Variants in BCKDHB observed in about 807,000 individuals in gnomAD.
The protein encoded by BCKDHB is 2-oxoisovalerate dehydrogenase subunit beta, mitochondrial.
A neutral mutation model predicts 48.5 loss-of-function variants in BCKDHB; 41 were observed. That is an observed-to-expected ratio of 0.85 (90% CI 0.66 to 1.10). The LOEUF (loss-of-function observed/expected upper bound fraction) is 1.10. BCKDHB is among the 50% of genes least tolerant of loss of function. The probability of loss-of-function intolerance (pLI) is 0.00; values close to 1 mark genes in which losing one functional copy is unlikely to be tolerated. For synonymous variants in BCKDHB, 201 were observed against 174.8 expected (o/e 1.15, Z -1.18); for missense variants, 496 against 494.2 (o/e 1.00, Z -0.03).
the BCKDHB span, among the ~76,000 whole-genome samples, chr6:80,460,128 A>G: frequency 4.3e-4 from 66 of 152,254 alleles, no homozygotes; most frequent in Admixed American, 1.5e-3. Context: ...AGTCTTCAAG[A>G]TATATCTAAA....
chr6:80,332,737 C>T (rs1203010870), intron 9 of BCKDHB, among the ~76,000 whole-genome samples: 2 of 146,156 alleles, frequency 1.4e-5, no homozygotes, highest in African/African-American at 2.5e-5. Context: ...TTCAAACTTA[C>T]ATCCTACCAT....
At chr6:80,273,291 T>C in intron 9 of BCKDHB, 70 bp downstream of exon 9, 1 of 1,279,730 alleles carries the variant, frequency 7.8e-7, no homozygotes, top group Admixed American at 1.7e-5. Context: ...AGAAAATAAA[T>C]TACTTATCAC....
rs1338225308 is a variant in BCKDHB, at chr6:80,139,078, G to T, written c.343+9849G>T. Among the ~76,000 whole-genome samples the T allele has an allele frequency of 1.1e-3, 162 of 152,006 alleles. 1 individual carries two copies. The highest frequency in any genetic ancestry group is 3.5e-3 in the African/African-American group (143 of 41,342). On this transcript the variant is annotated intron_variant, in intron 3 of 9. Coordinates refer to ENST00000320393, the MANE Select transcript of BCKDHB (RefSeq NM_183050.4). ...GTGATGGTGAGCATTTTTTCATGTG[G>T]TTTTTGGCTGCATAAATGTCTTCTT...
At chr6:80,357,227 T>A in the BCKDHB span, among the ~76,000 whole-genome samples, 2 of 152,094 alleles carry the variant, frequency 1.3e-5, no homozygotes, top group Non-Finnish European at 2.9e-5. Flanking sequence ...GGGAAGTCAT[T>A]ACCATTCCCT....
At chr6:80,382,641 A>G in the BCKDHB span, among the ~76,000 whole-genome samples, 1 of 152,076 alleles carries the variant, frequency 6.6e-6, no homozygotes, top group African/African-American at 2.4e-5. Context: ...TATTCTTCCC[A>G]GTTCTCTCTT....
At chr6:80,308,965 A>T (rs1768019724) in intron 9 of BCKDHB, among the ~76,000 whole-genome samples, 1 of 152,074 alleles carries the variant, frequency 6.6e-6, no homozygotes, top group Non-Finnish European at 1.5e-5. Context: ...CAAATGCTAT[A>T]GTTTATTGTG....
chr6:80,421,302 C>T, the BCKDHB span, among the ~76,000 whole-genome samples: 1 of 152,156 alleles, frequency 6.6e-6, no homozygotes, highest in Non-Finnish European at 1.5e-5. Flanking sequence ...GCCTCCCCAG[C>T]CGTGCAGAAC....
rs1294886867 is a variant in BCKDHB at position 80,231,367 on chromosome 6, A to G, written c.951+28155A>G. 5.3e-5 allele frequency among the ~76,000 whole-genome samples: 8 copies of G among 152,236 alleles called. No individual in the cohort carries two copies. In the South Asian group the frequency reaches 1.0e-3, roughly 20 times the overall value. On this transcript the variant is annotated intron_variant, in intron 8 of 9. Transcript: ENST00000320393. ...TTTGGCTACATAAAAAAGGAATGTT[A>G]TTATGTATTATAAACATTTATAAAC...
chr6:80,420,185 T>C, the BCKDHB span, among the ~76,000 whole-genome samples: 2 of 152,230 alleles, frequency 1.3e-5, no homozygotes, highest in African/African-American at 4.8e-5. Context: ...ACTGGAACTT[T>C]ATTTTGTTCC....
At chr6:80,383,673 T>A in the BCKDHB span, among the ~76,000 whole-genome samples, 1 of 152,122 alleles carries the variant, frequency 6.6e-6, no homozygotes, top group East Asian at 1.9e-4. Flanking sequence ...AGAAAAATAA[T>A]GTTTTTTTAA....
In BCKDHB at chr6:80,343,906, A is replaced by G; in HGVS notation, c.*102A>G. The G allele has an allele frequency of 2.7e-6, 4 of 1,460,844 alleles. No homozygotes were observed. The highest frequency in any genetic ancestry group is 2.9e-6 in the Non-Finnish European group (3 of 1,044,120). The allele number at this position is 1,460,844 out of a possible 1,614,324, so 90.5% of individuals were successfully genotyped here. A position where few individuals can be genotyped will look rare whatever the true frequency, so the allele number is the denominator to read the frequency against. ...AATCATCAGTGTTTTGATGGTAACA[A>G]ACTTTGATGGTAAAGTTGGTAAAAG... On this transcript the variant is annotated 3_prime_UTR_variant, in exon 10 of 10. Transcript: ENST00000320393.
the BCKDHB span, among the ~76,000 whole-genome samples, chr6:80,444,574 C>T: frequency 2.6e-5 from 4 of 152,232 alleles, no homozygotes; most frequent in South Asian, 4.2e-4. Context: ...GTCAAAAGCA[C>T]GCAACTGTTA....
chr6:80,235,383 C>T (rs1177081713), intron 8 of BCKDHB, among the ~76,000 whole-genome samples: 2 of 152,170 alleles, frequency 1.3e-5, no homozygotes, highest in African/African-American at 4.8e-5. Flanking sequence ...ACCTCATAAC[C>T]TAAAGGGATA....
chr6:80,320,715 G>A (rs1183696113), intron 9 of BCKDHB, among the ~76,000 whole-genome samples: 1 of 152,070 alleles, frequency 6.6e-6, no homozygotes, highest in Non-Finnish European at 1.5e-5. Flanking sequence ...ATTTTAAATT[G>A]ATAGGCAATT....
At chr6:80,463,953 C>A in the BCKDHB span, among the ~76,000 whole-genome samples, 1 of 152,066 alleles carries the variant, frequency 6.6e-6, no homozygotes, top group Non-Finnish European at 1.5e-5. Flanking sequence ...GCTCATTCCT[C>A]CTACCTTCCC....
intron 1 of BCKDHB, among the ~76,000 whole-genome samples, chr6:80,118,748 T>C (rs920761679): frequency 6.6e-6 from 1 of 150,752 alleles, no homozygotes; most frequent in Admixed American, 6.7e-5. Context: ...GCATCTTCAT[T>C]AGCAATGGAT....
chr6:80,126,819 G>A (rs1411341567), intron 1 of BCKDHB, among the ~76,000 whole-genome samples: 1 of 152,130 alleles, frequency 6.6e-6, no homozygotes, highest in African/African-American at 2.4e-5. Context: ...ATACCATTCA[G>A]AAGAGTACTA....
the BCKDHB span, among the ~76,000 whole-genome samples, chr6:80,449,453 A>G: frequency 1.6e-4 from 25 of 152,332 alleles, no homozygotes; most frequent in East Asian, 4.2e-3. Context: ...GAACATGGAT[A>G]ATAAAAATAA....
At chr6:80,299,057 G>A (rs1582528519) in intron 9 of BCKDHB, among the ~76,000 whole-genome samples, 1 of 102,688 alleles carries the variant, frequency 9.7e-6, no homozygotes, top group African/African-American at 4.0e-5. Context: ...TAACTGAGAG[G>A]TACTTTACTG....
Sources: allele counts gnomAD v4.1 joint callset (sites outside exome capture counted in the v4.1 genomes callset), GRCh38; gene constraint gnomAD v4.1.1; transcripts MANE v1.5; gene names NCBI Gene and HGNC (gene_info 2026-07-23, HGNC 2026-07-21).